Variants in SLC38A8 observed in about 807,000 individuals in gnomAD.
SLC38A8 encodes the protein amino acid transporter SLC38A8.
In SLC38A8, 65 loss-of-function variants were observed where a neutral mutation model predicts 46.0. The ratio of observed to expected loss-of-function variants is 1.41; its 90% confidence interval spans 1.16 to 1.74. The LOEUF (loss-of-function observed/expected upper bound fraction) is 1.74. Ranked by LOEUF, SLC38A8 falls within the 40% of genes most tolerant of loss-of-function variation. The pLI, the probability that SLC38A8 is intolerant of heterozygous loss-of-function variation, is 0.00. For synonymous variants in SLC38A8, 447 were observed against 243.7 expected, an observed-to-expected ratio of 1.83 and a Z score of -7.77; for missense variants, 998 against 567.9, an observed-to-expected ratio of 1.76 and a Z score of -7.70.
intron 4 of SLC38A8, 68 bp from the exon 5 acceptor site, chr16:84,032,036 G>T: frequency 1.5e-6 from 2 of 1,367,080 alleles, no homozygotes; most frequent in Non-Finnish European, 2.1e-6. Flanking sequence ...GGGGACAGTA[G>T]TGGGATCTGA....
At position 84,013,014 on chromosome 16, in the gene SLC38A8, C is replaced by T; in HGVS notation, c.1201G>A (p.Gly401Arg). ...AGGGACACTTACTTGACTCTTGGTC[C>T]TATAGGCTCGACACCCATTGCACAG... is the stretch of plus-strand genomic sequence containing the variant. ...LICAMGVEPI[G>R]PRVKCCLEVW... Residue 401 changes from glycine (G) to arginine (R), a missense_variant, in exon 10 of 11, where the codon GGA becomes AGA. By Grantham distance (125) the Gly-to-Arg change is moderately radical. Transcript: ENST00000299709. 6.2e-7 allele frequency: 1 copy of T among 1,614,154 alleles called. No homozygotes were observed. Among genetic ancestry groups the T allele is most frequent in the Non-Finnish European group, 8.5e-7 (1 of 1,179,994 alleles).
intron 9 of SLC38A8, among the ~76,000 whole-genome samples, chr16:84,013,817 A>T (rs1056972919): frequency 6.6e-6 from 1 of 151,790 alleles, no homozygotes; most frequent in African/African-American, 2.4e-5. Flanking sequence ...TCTCAACTCA[A>T]ACCTGTCCTG....
intron 2 of SLC38A8, among the ~76,000 whole-genome samples, chr16:84,037,854 G>A (rs1414837802): frequency 3.9e-5 from 5 of 126,806 alleles, no homozygotes; most frequent in Non-Finnish European, 7.7e-5. Context: ...TGTCACCCAG[G>A]CTGGAGTGCC....
At chr16:84,019,556 G>C (rs1597255782) in intron 7 of SLC38A8, among the ~76,000 whole-genome samples, 3 of 152,132 alleles carry the variant, frequency 2.0e-5, no homozygotes, top group South Asian at 4.1e-4. Flanking sequence ...AAGAGTTTTG[G>C]AGGGGACAAT....
intron 5 of SLC38A8, among the ~76,000 whole-genome samples, chr16:84,031,114 C>G (rs1440418429): frequency 6.6e-6 from 1 of 152,176 alleles, no homozygotes; most frequent in Non-Finnish European, 1.5e-5. Flanking sequence ...CATCTCGGCT[C>G]ACTGCAACCT....
At chr16:84,040,528 C>T (rs1035077650) in intron 2 of SLC38A8, among the ~76,000 whole-genome samples, 4 of 152,214 alleles carry the variant, frequency 2.6e-5, no homozygotes, top group Admixed American at 2.0e-4. Flanking sequence ...TGGCTCATGG[C>T]CATTCCTGCT....
intron 6 of SLC38A8, among the ~76,000 whole-genome samples, chr16:84,025,181 G>A (rs976784622): frequency 1.3e-5 from 2 of 152,140 alleles, no homozygotes; most frequent in Non-Finnish European, 2.9e-5. Context: ...ACACACTGGT[G>A]GGTTCAGGGT....
At chr16:84,012,488 G>C (rs2084966087) in intron 10 of SLC38A8, among the ~76,000 whole-genome samples, 1 of 152,218 alleles carries the variant, frequency 6.6e-6, no homozygotes, top group African/African-American at 2.4e-5. Flanking sequence ...TCCTAGCTCT[G>C]TCCTCACTAG....
chr16:84,013,619 C>T (rs1023578737), intron 9 of SLC38A8, among the ~76,000 whole-genome samples: 10 of 151,450 alleles, frequency 6.6e-5, no homozygotes, highest in African/African-American at 1.5e-4. Flanking sequence ...TTAGTAGAGA[C>T]GGGATTTCAC....
In SLC38A8 at chr16:84,009,890, T is replaced by C. The variant is rs775955851; in HGVS notation, c.1215-13A>G. 8.7e-6 allele frequency: 14 copies of C among 1,610,594 alleles called. No individual in the cohort carries two copies. Among genetic ancestry groups the C allele is most frequent in the East Asian group, 4.5e-5 (2 of 44,840 alleles). The stretch of plus-strand genomic sequence containing the variant: ...CTCCAGGCAGCACCTGCCAAGTGAA[T>C]AAACCCATGTCAGAGCTTTTCTGGA... On this transcript the variant is annotated splice_polypyrimidine_tract_variant and intron_variant, in intron 10 of 10. Coordinates refer to ENST00000299709, the MANE Select transcript of SLC38A8 (RefSeq NM_001080442.3).
chr16:84,010,278 C>G (rs1474924668), intron 10 of SLC38A8, among the ~76,000 whole-genome samples: 1 of 151,948 alleles, frequency 6.6e-6, no homozygotes, highest in African/African-American at 2.4e-5. Context: ...ATCATGTTTG[C>G]TAGGCTGGTC....
intron 6 of SLC38A8, among the ~76,000 whole-genome samples, chr16:84,024,349 A>AT (rs149722401): frequency 0.016 from 2,406 of 151,552 alleles, 55 homozygotes; most frequent in African/African-American, 0.054. Flanking sequence ...TGGGGTAAGC[A>AT]TTTTTTTTTG....
At chr16:84,018,688 G>C (rs1277349022) in intron 7 of SLC38A8, among the ~76,000 whole-genome samples, 1 of 152,152 alleles carries the variant, frequency 6.6e-6, no homozygotes. Context: ...CAGGAGAAAA[G>C]CCTACGGATC....
At chr16:84,031,304 G>C (rs928363219) in intron 5 of SLC38A8, among the ~76,000 whole-genome samples, 1 of 152,120 alleles carries the variant, frequency 6.6e-6, no homozygotes, top group Non-Finnish European at 1.5e-5. Flanking sequence ...GCCTCCCAAA[G>C]TGCTGGGATC....
intron 2 of SLC38A8, among the ~76,000 whole-genome samples, chr16:84,037,545 G>A (rs1316872948): frequency 1.6e-4 from 25 of 152,126 alleles, no homozygotes; most frequent in Admixed American, 1.6e-3. Flanking sequence ...CGGATCACCT[G>A]AGGTCAGGAG....
In SLC38A8 at chr16:84,015,958, C is replaced by T. The variant is rs536275818; in HGVS notation, c.1162+561G>A. 4.9e-4 allele frequency among the ~76,000 whole-genome samples: 75 copies of T among 152,316 alleles called. 1 individual carries two copies. Among genetic ancestry groups the T allele is most frequent in the African/African-American group, 1.8e-3 (74 of 41,576 alleles). ...CCTCCCAAAGTGCTGGGATTACAGG[C>T]GTGAGCCACTGTGCCCAGCCAGAGG... On this transcript the variant is annotated intron_variant, in intron 9 of 10. Transcript: ENST00000299709.
chr16:84,012,914 A>G (rs1170576257), intron 10 of SLC38A8, 87 bp downstream of exon 10: 1 of 1,410,238 alleles, frequency 7.1e-7, no homozygotes. Context: ...GCAGAGGATG[A>G]GAAATAGGAT....
intron 6 of SLC38A8, among the ~76,000 whole-genome samples, chr16:84,027,786 G>A (rs762137165): frequency 6.6e-6 from 1 of 152,222 alleles, no homozygotes; most frequent in African/African-American, 2.4e-5. Context: ...GAGGGCTGGA[G>A]GCAAAGGTGA....
intron 3 of SLC38A8, among the ~76,000 whole-genome samples, chr16:84,036,332 G>A (rs535755895): frequency 3.9e-4 from 60 of 152,242 alleles, no homozygotes; most frequent in Non-Finnish European, 7.8e-4. Context: ...TCGGGAACTC[G>A]AGGCCAAGGT....
Sources: allele counts gnomAD v4.1 joint callset (sites outside exome capture counted in the v4.1 genomes callset), GRCh38; gene constraint gnomAD v4.1.1; transcripts MANE v1.5; gene names NCBI Gene and HGNC (gene_info 2026-07-23, HGNC 2026-07-21).